SHQ1: variants seen among roughly 807,000 people sequenced by gnomAD.
SHQ1 encodes the protein SHQ1, H/ACA ribonucleoprotein assembly factor, also known as protein SHQ1 homolog.
A neutral mutation model predicts 53.8 loss-of-function variants in SHQ1; 49 were observed. The ratio of observed to expected loss-of-function variants is 0.91; its 90% CI spans 0.72 to 1.16. SHQ1 has a LOEUF of 1.16. Among genes scored for constraint, SHQ1 ranks in the 50% most tolerant of loss-of-function variants. The probability of loss-of-function intolerance (pLI) is 0.00; values close to 1 mark genes in which losing one functional copy is unlikely to be tolerated. For synonymous variants in SHQ1, 243 were observed against 251.0 expected (o/e 0.97, Z 0.30); for missense variants, 738 against 683.1 (o/e 1.08, Z -0.90).
the SHQ1 span, among the ~76,000 whole-genome samples, chr3:72,727,577 T>C: frequency 9.2e-5 from 14 of 152,284 alleles, no homozygotes; most frequent in South Asian, 8.3e-4. Flanking sequence ...TTTCCTGGGA[T>C]GGTGTTTGAG....
intron 10 of SHQ1, among the ~76,000 whole-genome samples, chr3:72,751,517 T>C (rs1350045516): frequency 7.1e-6 from 1 of 140,120 alleles, no homozygotes; most frequent in East Asian, 1.9e-4. Flanking sequence ...TGTATATATA[T>C]ATATATATAT....
intron 5 of SHQ1, among the ~76,000 whole-genome samples, chr3:72,826,570 T>C (rs1329023462): frequency 1.3e-5 from 2 of 152,148 alleles, no homozygotes; most frequent in Non-Finnish European, 2.9e-5. Context: ...TACAATCCCA[T>C]GGGAGAGTCA....
chr3:72,828,382 T>C (rs1463311517), intron 5 of SHQ1, among the ~76,000 whole-genome samples: 1 of 152,036 alleles, frequency 6.6e-6, no homozygotes, highest in Non-Finnish European at 1.5e-5. Flanking sequence ...AGGGATACCA[T>C]GATAAAAGGA....
At chr3:72,736,864 T>C in the SHQ1 span, among the ~76,000 whole-genome samples, 1 of 150,628 alleles carries the variant, frequency 6.6e-6, no homozygotes, top group Non-Finnish European at 1.5e-5. Context: ...GTGGGATGGA[T>C]ATGGCCTCAG....
chr3:72,817,515 T>C (rs1707354863), intron 6 of SHQ1, 131 bp from the exon 7 acceptor site: 3 of 813,872 alleles, frequency 3.7e-6, no homozygotes, highest in Non-Finnish European at 5.6e-6. Flanking sequence ...ACTATGGATA[T>C]ATAAATAACT....
chr3:72,810,562 T>C (rs1178059747), intron 9 of SHQ1, among the ~76,000 whole-genome samples: 2 of 152,240 alleles, frequency 1.3e-5, no homozygotes, highest in Admixed American at 6.5e-5. Context: ...TGGAACACTA[T>C]ACTGACCTTT....
chr3:72,765,266 T>A (rs1036223923), intron 10 of SHQ1, among the ~76,000 whole-genome samples: 1 of 152,004 alleles, frequency 6.6e-6, no homozygotes. Context: ...ACGGTCCACA[T>A]GCCTGCCCCT....
chr3:72,777,403 T>C (rs1440253328), intron 10 of SHQ1, among the ~76,000 whole-genome samples: 2 of 152,156 alleles, frequency 1.3e-5, no homozygotes, highest in Admixed American at 6.5e-5. Flanking sequence ...AGACATTTCA[T>C]AGTAGAGGAA....
At chr3:72,784,695 A>T (rs915045557) in intron 10 of SHQ1, among the ~76,000 whole-genome samples, 28 of 152,208 alleles carry the variant, frequency 1.8e-4, no homozygotes. Flanking sequence ...CTAATTTAAC[A>T]CTTAGCATTT....
downstream of SHQ1, among the ~76,000 whole-genome samples, chr3:72,746,001 CAGG>C (rs2106690324): frequency 6.6e-6 from 1 of 152,184 alleles, no homozygotes; most frequent in Non-Finnish European, 1.5e-5. Flanking sequence ...CCACCACCCC[CAGG>C]TAAGTTGTTT....
the SHQ1 span, among the ~76,000 whole-genome samples, chr3:72,743,335 A>T: frequency 6.6e-6 from 1 of 152,196 alleles, no homozygotes; most frequent in African/African-American, 2.4e-5. Flanking sequence ...GGTACTTTTC[A>T]TATTCTCTAC....
chr3:72,843,791 C>G (rs1268954927), intron 2 of SHQ1, among the ~76,000 whole-genome samples: 1 of 149,904 alleles, frequency 6.7e-6, no homozygotes, highest in Non-Finnish European at 1.5e-5. Context: ...GGTCAATATT[C>G]ATTGAATAAA....
At chr3:72,786,765 T>C (rs1032895229) in intron 10 of SHQ1, among the ~76,000 whole-genome samples, 3 of 152,122 alleles carry the variant, frequency 2.0e-5, no homozygotes, top group Non-Finnish European at 2.9e-5. Flanking sequence ...TCCCAGCACC[T>C]ATCTCACCAC....
At position 72,749,734 on chromosome 3, in the gene SHQ1, A is replaced by T. The variant is rs1007021831; in HGVS notation, c.*550T>A. 2 of 217,646 alleles carry T rather than the reference A, an allele frequency of 9.2e-6. No individual in the cohort carries two copies. Among genetic ancestry groups the T allele is most frequent in the Non-Finnish European group, 1.8e-5 (2 of 108,396 alleles). The allele number at this position is 217,646 out of a possible 1,614,324, so 13.5% of individuals were successfully genotyped here. ...TGGAGACACGGGCAGTAGAACTATT[A>T]TTTTCAGCTTGAAATATTAGCTACA... is the stretch of plus-strand genomic sequence containing the variant. On this transcript the variant is annotated 3_prime_UTR_variant, in exon 11 of 11. Transcript: ENST00000325599.
intron 9 of SHQ1, among the ~76,000 whole-genome samples, chr3:72,798,709 TA>T (rs1274021469): frequency 6.6e-6 from 1 of 152,216 alleles, no homozygotes; most frequent in Non-Finnish European, 1.5e-5. Flanking sequence ...GGGTTGGGAA[TA>T]ATCTTTCACT....
At chr3:72,836,852 C>T (rs1199242117) in intron 4 of SHQ1, among the ~76,000 whole-genome samples, 2 of 152,170 alleles carry the variant, frequency 1.3e-5, no homozygotes. Flanking sequence ...TAAAGATAGA[C>T]ATTGCCAAGA....
the SHQ1 span, among the ~76,000 whole-genome samples, chr3:72,737,369 G>A: frequency 6.6e-6 from 1 of 152,074 alleles, no homozygotes; most frequent in Non-Finnish European, 1.5e-5. Flanking sequence ...GGAGAGGCAG[G>A]AACCCTCTGA....
chr3:72,792,775 C>A (rs1198803771), intron 10 of SHQ1, 141 bp downstream of exon 10: 31 of 713,018 alleles, frequency 4.3e-5, no homozygotes, highest in Non-Finnish European at 5.4e-5. Flanking sequence ...CAAGGGCAAA[C>A]CTCCATCTCA....
chr3:72,765,045 T>A (rs1319000018), intron 10 of SHQ1, among the ~76,000 whole-genome samples: 1 of 152,206 alleles, frequency 6.6e-6, no homozygotes, highest in Non-Finnish European at 1.5e-5. Context: ...CAATCTTGGC[T>A]TTAAGTAAAA....
Sources: allele counts gnomAD v4.1 joint callset (sites outside exome capture counted in the v4.1 genomes callset), GRCh38; gene constraint gnomAD v4.1.1; transcripts MANE v1.5; gene names NCBI Gene and HGNC (gene_info 2026-07-23, HGNC 2026-07-21).